Variants in SMYD3 observed in about 807,000 individuals in gnomAD.
SMYD3 encodes SET and MYND domain containing 3.
In SMYD3, 36 loss-of-function variants were observed where a neutral mutation model predicts 57.7. The observed-to-expected ratio is 0.62, with a 90% CI of 0.48 to 0.82. The LOEUF (loss-of-function observed/expected upper bound fraction) is 0.82. Ranked by LOEUF, SMYD3 falls within the 40% of genes least tolerant of loss-of-function variation. The probability of loss-of-function intolerance (pLI) is 0.00; values close to 1 mark genes in which losing one functional copy is unlikely to be tolerated. For synonymous variants in SMYD3, 211 were observed against 195.0 expected (o/e 1.08, Z -0.68); for missense variants, 515 against 538.8 (o/e 0.96, Z 0.44).
rs375881654 is a variant in SMYD3, at chr1:245,894,681, A to G, written c.813+20849T>C. Among the ~76,000 whole-genome samples the G allele has an allele frequency of 2.6e-5, 4 of 152,320 alleles. No homozygotes were observed. The East Asian group carries it at 7.7e-4, about 29-fold the overall frequency. On this transcript the variant is annotated intron_variant, in intron 8 of 11. Transcript: ENST00000490107. ...ATCTGAGGAAGAATCACCTTATTGTACTAGACTTCCTGAACACTACTGCGT... is the reference window on the plus strand; with the variant it reads ...ATCTGAGGAAGAATCACCTTATTGTGCTAGACTTCCTGAACACTACTGCGT...
chr1:246,394,672 C>G (rs996647448), intron 1 of SMYD3, among the ~76,000 whole-genome samples: 1 of 152,188 alleles, frequency 6.6e-6, no homozygotes, highest in African/African-American at 2.4e-5. Context: ...ATATGAGAGC[C>G]TCCCGAACTC....
chr1:246,348,055 A>T (rs2065751625), intron 2 of SMYD3, among the ~76,000 whole-genome samples: 1 of 17,770 alleles, frequency 5.6e-5, no homozygotes, highest in African/African-American at 1.8e-4. Context: ...TGAATAAAGA[A>T]AACGTTATAT....
At chr1:245,842,488 G>A (rs1403661914) in intron 10 of SMYD3, among the ~76,000 whole-genome samples, 2 of 152,150 alleles carry the variant, frequency 1.3e-5, no homozygotes, top group African/African-American at 2.4e-5. Context: ...AACACACTCT[G>A]GAAACCACTA....
intron 7 of SMYD3, among the ~76,000 whole-genome samples, chr1:245,923,249 G>A (rs1289506035): frequency 6.6e-6 from 1 of 151,236 alleles, no homozygotes; most frequent in East Asian, 1.9e-4. Flanking sequence ...AGTGTTTTAT[G>A]TATAGTACAT....
At chr1:245,899,495 A>T (rs562172386) in intron 8 of SMYD3, among the ~76,000 whole-genome samples, 28 of 152,210 alleles carry the variant, frequency 1.8e-4, no homozygotes, top group Non-Finnish European at 4.0e-4. Context: ...GTTACAGAGG[A>T]TGGAACGAAT....
intron 1 of SMYD3, among the ~76,000 whole-genome samples, chr1:246,474,519 C>CAAAAAAAAAAAAA (rs35626265): frequency 1.3e-5 from 1 of 78,832 alleles, no homozygotes; most frequent in Non-Finnish European, 2.6e-5. Flanking sequence ...ACTCCCCTCT[C>CAAAAAAAAAAAAA]AAAAAAAAAA....
At chr1:245,762,045 A>G (rs761434813) in intron 11 of SMYD3, among the ~76,000 whole-genome samples, 32 of 152,088 alleles carry the variant, frequency 2.1e-4, no homozygotes, top group Non-Finnish European at 3.5e-4. Flanking sequence ...TCAGCCTCCC[A>G]AAGTGCTGGG....
chr1:245,799,728 T>C (rs751475276), intron 10 of SMYD3, among the ~76,000 whole-genome samples: 1 of 152,234 alleles, frequency 6.6e-6, no homozygotes, highest in Non-Finnish European at 1.5e-5. Context: ...CTGTGGTATC[T>C]GCTAATGAAT....
intron 5 of SMYD3, among the ~76,000 whole-genome samples, chr1:246,129,747 C>G (rs576510134): frequency 6.6e-6 from 1 of 152,102 alleles, no homozygotes; most frequent in East Asian, 1.9e-4. Flanking sequence ...ATTTCCCCAT[C>G]GAGTTGAGAA....
At chr1:245,875,161 T>C (rs2052421157) in intron 8 of SMYD3, among the ~76,000 whole-genome samples, 1 of 152,232 alleles carries the variant, frequency 6.6e-6, no homozygotes, top group Admixed American at 6.5e-5. Context: ...CTCTTTGTAA[T>C]GTCAAAGATA....
At chr1:245,927,255 C>T (rs927834735) in intron 7 of SMYD3, among the ~76,000 whole-genome samples, 2 of 152,288 alleles carry the variant, frequency 1.3e-5, no homozygotes, top group Admixed American at 6.5e-5. Context: ...TGGAGCAGCC[C>T]GTTTGCAGCT....
chr1:246,220,911 C>T (rs1019959645), intron 5 of SMYD3, among the ~76,000 whole-genome samples: 1 of 151,930 alleles, frequency 6.6e-6, no homozygotes, highest in African/African-American at 2.4e-5. Flanking sequence ...CCTCTCTAGA[C>T]TGAGAGCTGC....
At chr1:246,040,015 C>T (rs990366028) in intron 5 of SMYD3, among the ~76,000 whole-genome samples, 14 of 152,222 alleles carry the variant, frequency 9.2e-5, no homozygotes, top group African/African-American at 3.4e-4. Flanking sequence ...TAACGTCCGA[C>T]ATGATCTGTG....
At chr1:246,007,165 C>T (rs1030161123) in intron 5 of SMYD3, among the ~76,000 whole-genome samples, 1 of 152,238 alleles carries the variant, frequency 6.6e-6, no homozygotes, top group Non-Finnish European at 1.5e-5. Flanking sequence ...GATTATCAGG[C>T]AGCACTCTGC....
chr1:246,358,445 A>T (rs1483747450), intron 1 of SMYD3, among the ~76,000 whole-genome samples: 1 of 152,178 alleles, frequency 6.6e-6, no homozygotes, highest in South Asian at 2.1e-4. Flanking sequence ...GACTTAAACT[A>T]TACCCTAGAA....
At chr1:245,821,700 G>GA (rs1453349493) in intron 10 of SMYD3, among the ~76,000 whole-genome samples, 1 of 151,070 alleles carries the variant, frequency 6.6e-6, no homozygotes, top group Non-Finnish European at 1.5e-5. Flanking sequence ...AAATTTACAA[G>GA]AAAAAAACAA....
At chr1:245,826,278 G>C (rs1244167357) in intron 10 of SMYD3, among the ~76,000 whole-genome samples, 1 of 151,946 alleles carries the variant, frequency 6.6e-6, no homozygotes, top group Admixed American at 6.5e-5. Context: ...CATATAACTG[G>C]AATCAAATAG....
intron 5 of SMYD3, among the ~76,000 whole-genome samples, chr1:246,159,003 G>A (rs2062069935): frequency 2.0e-5 from 3 of 151,966 alleles, no homozygotes; most frequent in South Asian, 2.1e-4. Context: ...ATGATGTGGC[G>A]ACAATAAAAC....
At chr1:245,755,846 C>T (rs2045583045) in intron 11 of SMYD3, among the ~76,000 whole-genome samples, 1 of 151,968 alleles carries the variant, frequency 6.6e-6, no homozygotes, top group South Asian at 2.1e-4. Flanking sequence ...TTCTACTAAT[C>T]TCTGTCTTTT....
Sources: gnomAD v4.1 joint callset for allele counts (sites outside exome capture counted in the v4.1 genomes callset) on GRCh38, gnomAD v4.1.1 for gene constraint, MANE v1.5 for transcripts, NCBI Gene and HGNC (gene_info 2026-07-23, HGNC 2026-07-21) for gene names.